Variants in NEDD4L observed in about 807,000 individuals in gnomAD.
The protein encoded by NEDD4L is E3 ubiquitin-protein ligase NEDD4-like.
In NEDD4L, 54 loss-of-function variants were observed where a neutral mutation model predicts 148.9. The observed-to-expected ratio is 0.36, with a 90% CI of 0.29 to 0.45. The LOEUF is 0.45. Ranked by LOEUF, NEDD4L falls within the 20% of genes least tolerant of loss-of-function variation. NEDD4L has a pLI of 1.00. For synonymous variants in NEDD4L, 433 were observed against 440.7 expected (o/e 0.98, Z 0.22); for missense variants, 856 against 1,233.8 (o/e 0.69, Z 4.59).
chr18:58,343,151 C>G, intron 16 of NEDD4L, 48 bp downstream of exon 16: 1 of 1,484,158 alleles, frequency 6.7e-7, no homozygotes, highest in Non-Finnish European at 9.1e-7. Flanking sequence ...TGAAGTCTGG[C>G]ATTAATTCCT....
At chr18:58,257,739 G>T (rs1472222127) in intron 5 of NEDD4L, among the ~76,000 whole-genome samples, 1 of 152,156 alleles carries the variant, frequency 6.6e-6, no homozygotes, top group Non-Finnish European at 1.5e-5. Context: ...AGCTTTCGTG[G>T]TTTAGAGTGG....
chr18:58,279,111 A>G (rs1311643938), intron 5 of NEDD4L, among the ~76,000 whole-genome samples: 2 of 152,074 alleles, frequency 1.3e-5, no homozygotes, highest in African/African-American at 4.8e-5. Context: ...GCCTGGCCTC[A>G]AGTGATCCGC....
At chr18:58,101,217 T>A (rs1268664820) in intron 1 of NEDD4L, among the ~76,000 whole-genome samples, 1 of 152,214 alleles carries the variant, frequency 6.6e-6, no homozygotes, top group African/African-American at 2.4e-5. Context: ...AGTCATCTGA[T>A]ACAGCCAACC....
At chr18:58,269,900 G>T (rs540824131) in intron 5 of NEDD4L, among the ~76,000 whole-genome samples, 1 of 149,514 alleles carries the variant, frequency 6.7e-6, no homozygotes, top group Non-Finnish European at 1.5e-5. Context: ...TTCAAGCAAG[G>T]TTGTAAAATA....
chr18:58,350,481 G>A (rs539265858), intron 17 of NEDD4L, among the ~76,000 whole-genome samples: 3 of 152,272 alleles, frequency 2.0e-5, no homozygotes, highest in African/African-American at 4.8e-5. Context: ...TTCAGATAAT[G>A]AGGGCATACC....
intron 1 of NEDD4L, among the ~76,000 whole-genome samples, chr18:58,138,472 T>G (rs1568270646): frequency 6.6e-6 from 1 of 151,890 alleles, no homozygotes; most frequent in Non-Finnish European, 1.5e-5. Flanking sequence ...CAAGCCATTT[T>G]AGTTAGTTTT....
intron 5 of NEDD4L, among the ~76,000 whole-genome samples, chr18:58,262,129 A>G (rs891812139): frequency 6.6e-6 from 1 of 152,160 alleles, no homozygotes; most frequent in Non-Finnish European, 1.5e-5. Context: ...AACAGCCTTC[A>G]CCTGCTGCGT....
At chr18:58,162,999 G>A (rs2036407314) in intron 1 of NEDD4L, among the ~76,000 whole-genome samples, 1 of 151,924 alleles carries the variant, frequency 6.6e-6, no homozygotes, top group Non-Finnish European at 1.5e-5. Flanking sequence ...GGGAGGCAGA[G>A]GTTGCAGTGA....
At chr18:58,238,826 T>G (rs933538766) in intron 2 of NEDD4L, among the ~76,000 whole-genome samples, 3 of 152,350 alleles carry the variant, frequency 2.0e-5, no homozygotes, top group Admixed American at 1.3e-4. Context: ...TAGTAGAGTA[T>G]TAAATGTCTG....
chr18:58,309,333 G>A lies in NEDD4L; in HGVS notation c.298-6649G>A, dbSNP rs181589002. Among the ~76,000 whole-genome samples the A allele has an allele frequency of 9.2e-5, 14 of 152,220 alleles. No homozygotes were observed. In the East Asian group the frequency reaches 9.7e-4, roughly 11 times the overall value. On this transcript the variant is annotated intron_variant, in intron 5 of 30. Transcript: ENST00000400345. ...CCCTCAGGACCCTGCTTGAAGTTAC[G>A]TCCTGCACAGTCATCCCTGGCCTTC...
chr18:58,083,548 C>T (rs1461755903), intron 1 of NEDD4L, among the ~76,000 whole-genome samples: 2 of 151,948 alleles, frequency 1.3e-5, no homozygotes, highest in South Asian at 2.1e-4. Context: ...ATTAGCCGGG[C>T]GTGGTGGCGG....
intron 5 of NEDD4L, among the ~76,000 whole-genome samples, chr18:58,257,355 A>C (rs2148598175): frequency 6.6e-6 from 1 of 152,228 alleles, no homozygotes; most frequent in Admixed American, 6.5e-5. Flanking sequence ...TTTTTGTCCC[A>C]TTAAGTAATA....
intron 2 of NEDD4L, among the ~76,000 whole-genome samples, chr18:58,208,285 T>C (rs1196824254): frequency 6.6e-6 from 1 of 152,204 alleles, no homozygotes; most frequent in Non-Finnish European, 1.5e-5. Flanking sequence ...GCAACCCAAA[T>C]AGAAGTATTT....
At chr18:58,213,095 A>T (rs1021651703) in intron 2 of NEDD4L, among the ~76,000 whole-genome samples, 3 of 152,198 alleles carry the variant, frequency 2.0e-5, no homozygotes, top group African/African-American at 7.2e-5. Context: ...GCTGTAATAG[A>T]AGTGGCAAGT....
At chr18:58,277,457 C>T in intron 5 of NEDD4L, among the ~76,000 whole-genome samples, 1 of 152,038 alleles carries the variant, frequency 6.6e-6, no homozygotes, top group East Asian at 1.9e-4. Flanking sequence ...GAAATGTCTA[C>T]CAGGCATCTT....
At chr18:58,112,762 T>G (rs1056770227) in intron 1 of NEDD4L, among the ~76,000 whole-genome samples, 1 of 152,218 alleles carries the variant, frequency 6.6e-6, no homozygotes, top group Non-Finnish European at 1.5e-5. Context: ...AGTGCTGGGA[T>G]TACAGGCATG....
At chr18:58,238,561 A>G (rs1036616067) in intron 2 of NEDD4L, among the ~76,000 whole-genome samples, 14 of 152,212 alleles carry the variant, frequency 9.2e-5, no homozygotes, top group African/African-American at 2.9e-4. Flanking sequence ...ATATTCTAGT[A>G]TATGATTGTA....
intron 13 of NEDD4L, 129 bp from the exon 14 acceptor site, chr18:58,340,909 G>C: frequency 1.1e-6 from 1 of 935,386 alleles, no homozygotes. Context: ...ACTTGTAAGT[G>C]TTTTCTATAT....
intron 2 of NEDD4L, among the ~76,000 whole-genome samples, chr18:58,180,876 A>C (rs1464937012): frequency 6.6e-6 from 1 of 152,102 alleles, no homozygotes; most frequent in African/African-American, 2.4e-5. Context: ...TCACCTGAAG[A>C]CCTCTTAACT....
Sources: allele counts gnomAD v4.1 joint callset (sites outside exome capture counted in the v4.1 genomes callset), GRCh38; gene constraint gnomAD v4.1.1; transcripts MANE v1.5; gene names NCBI Gene and HGNC (gene_info 2026-07-23, HGNC 2026-07-21).